The following DNAH1 variants were observed in gnomAD, a reference collection of about 807,000 sequenced individuals.
DNAH1 encodes axonemal beta dynein heavy chain 1.
DNAH1 carries 327 observed loss-of-function variants against 484.3 expected under a neutral mutation model. That is an observed-to-expected ratio of 0.68 (90% CI 0.62 to 0.74). DNAH1 has a LOEUF of 0.74. Among genes scored for constraint, DNAH1 ranks in the 30% least tolerant of loss-of-function variants. The pLI is 0.00. For synonymous variants in DNAH1, 2,192 were observed against 2,191.9 expected, an observed-to-expected ratio of 1.00 and a Z score of 0.00; for missense variants, 5,052 against 5,546.8, an observed-to-expected ratio of 0.91 and a Z score of 2.83.
chr3:52,330,047 C>T (rs532668361), intron 6 of DNAH1, among the ~76,000 whole-genome samples: 27 of 152,234 alleles, frequency 1.8e-4, no homozygotes, highest in African/African-American at 5.5e-4. Context: ...TGAGCTCAGG[C>T]AATCCGCCCA....
chr3:52,359,403 C>A lies in DNAH1; in HGVS notation c.4407+17C>A. The A allele has an allele frequency of 3.2e-6, 5 of 1,565,234 alleles. No individual in the cohort carries two copies. The highest frequency in any genetic ancestry group is 4.3e-6 in the Non-Finnish European group (5 of 1,154,874). ...TGCCAGCAGGTTGGAGTCAAGAGGA[C>A]CCCTGTCTGTCCCCCTCCACCCCCT... On this transcript the variant is annotated intron_variant, in intron 26 of 77. Coordinates refer to ENST00000420323, the MANE Select transcript of DNAH1 (RefSeq NM_015512.5).
chr3:52,367,966 G>C (rs1703156140), intron 36 of DNAH1, among the ~76,000 whole-genome samples: 1 of 152,242 alleles, frequency 6.6e-6, no homozygotes, highest in Non-Finnish European at 1.5e-5. Context: ...TAGTTAAGGG[G>C]AGAGACTGGG....
rs762191587 is a variant in DNAH1, at chr3:52,395,625, C to G, written c.11206C>G (p.Pro3736Ala). Residue 3736 changes from proline (P) to alanine (A), a missense_variant, in exon 70 of 78, where the codon CCA becomes GCA. By Grantham distance (27) the Pro-to-Ala change is conservative. Coordinates refer to ENST00000420323, the MANE Select transcript of DNAH1 (RefSeq NM_015512.5). The surrounding 1 kb of genome is among the most constrained non-coding windows in gnomAD (Gnocchi z 4.4). ...CTTCTTCCAGAACTGCCACCTGGCA[C>G]CAAGCTGGATGCCAGCCCTAGAACG... Reference protein sequence around the residue: ...WVFFQNCHLAPSWMPALERLI... With the variant: ...WVFFQNCHLAASWMPALERLI... The G allele has an allele frequency of 6.2e-7, 1 of 1,613,892 alleles. No homozygotes were observed. Among genetic ancestry groups the G allele is most frequent in the South Asian group, 1.1e-5 (1 of 91,088 alleles).
chr3:52,378,875 C>T, intron 47 of DNAH1, 95 bp downstream of exon 47: 1 of 1,487,390 alleles, frequency 6.7e-7, no homozygotes, highest in South Asian at 1.2e-5. Flanking sequence ...CAAACAGGCC[C>T]TGAGTGGGGC....
At chr3:52,370,272 C>T (rs1257122161) in intron 39 of DNAH1, 43 bp downstream of exon 39, 2 of 1,600,564 alleles carry the variant, frequency 1.2e-6, no homozygotes, top group Non-Finnish European at 8.5e-7. Flanking sequence ...GGTCCCTCTC[C>T]CCACACTGCT....
At chr3:52,328,372 C>T (rs1378630555) in intron 6 of DNAH1, among the ~76,000 whole-genome samples, 1 of 152,216 alleles carries the variant, frequency 6.6e-6, no homozygotes, top group Non-Finnish European at 1.5e-5. Context: ...CAGCTCTAAC[C>T]ATGGCCTCTC....
rs768884797 is a variant in DNAH1 at position 52,362,395 on chromosome 3, G to A, written c.4988G>A (p.Arg1663His). The A allele has an allele frequency of 1.4e-5, 23 of 1,613,584 alleles. No individual in the cohort carries two copies. The highest frequency in any genetic ancestry group is 2.2e-5 in the East Asian group (1 of 44,878). The part of the protein sequence containing the change: ...IQKAQQQRVE[R>H]FMFEGVEIPL... ...AGCCTCTCCCCACTGCAGGTGGAAC[G>A]CTTCATGTTTGAGGGTGTGGAGATC... The change falls in exon 31 of 78, where the codon CGC (arginine) becomes CAC (histidine). Residue 1663 changes from arginine (R) to histidine (H), a missense_variant. Arg to His is a conservative substitution (Grantham distance 29). Around this residue, in one of 4 missense-constraint regions of DNAH1, gnomAD observed 2,929 missense variants for 3,409.4 expected, o/e 0.86. Coordinates refer to ENST00000420323, the MANE Select transcript of DNAH1 (RefSeq NM_015512.5). The surrounding 1 kb of genome is among the most constrained non-coding windows in gnomAD (Gnocchi z 5.1).
At chr3:52,369,065 C>T in intron 37 of DNAH1, 147 bp downstream of exon 37, 1 of 901,126 alleles carries the variant, frequency 1.1e-6, no homozygotes. Flanking sequence ...AGCAAGAGCC[C>T]TCCTGCTAGC....
At chr3:52,374,525 G>A (rs985774319) in intron 44 of DNAH1, 11 of 1,489,940 alleles carry the variant, frequency 7.4e-6, no homozygotes, top group Non-Finnish European at 1.0e-5. Context: ...AATTTGTGAA[G>A]ACCATGGAGC....
At chr3:52,384,760 C>G in intron 52 of DNAH1, 26 bp from the exon 53 acceptor site, 1 of 1,564,120 alleles carries the variant, frequency 6.4e-7, no homozygotes, top group Non-Finnish European at 8.7e-7. Context: ...TCTACCAGGC[C>G]GGCATCCATG....
At chr3:52,316,711 T>G (rs1190033912) in intron 1 of DNAH1, among the ~76,000 whole-genome samples, 166 bp downstream of exon 1, 1 of 152,180 alleles carries the variant, frequency 6.6e-6, no homozygotes, top group African/African-American at 2.4e-5. Flanking sequence ...ATACACTTTA[T>G]GGTGGGGATA....
In DNAH1 at chr3:52,382,412, G is replaced by T. The variant is rs1223022705; in HGVS notation, c.7898G>T (p.Gly2633Val). The T allele has an allele frequency of 6.2e-7, 1 of 1,613,882 alleles. No individual in the cohort carries two copies. The highest frequency in any genetic ancestry group is 1.3e-5 in the African/African-American group (1 of 74,932). ...GTGAAGAAGGTCCTGCTCAAGGCGG[G>T]CCTACAGAACCTACCCATCACCTTC... is the stretch of plus-strand genomic sequence containing the variant. ...DDVKKVLLKA[G>V]LQNLPITFLF... is the part of the protein sequence containing the mutation. Residue 2633 changes from glycine to valine, a missense_variant, in exon 50 of 78, where the codon GGC (glycine) becomes GTC (valine). By Grantham distance (109) the Gly-to-Val change is moderately radical. Transcript: ENST00000420323.
chr3:52,367,036 G>C (rs1052161436), intron 36 of DNAH1, 149 bp downstream of exon 36: 2 of 974,682 alleles, frequency 2.1e-6, no homozygotes, highest in South Asian at 3.6e-5. Flanking sequence ...CTACTTCCTC[G>C]CTGAGTGACC....
rs556086433 is a variant in DNAH1 at position 52,388,892 on chromosome 3, T to C, written c.9450T>C (p.Asp3150=). 35 of 1,612,890 alleles carry C rather than the reference T, an allele frequency of 2.2e-5. No homozygotes were observed. In the East Asian group the frequency reaches 6.9e-4, roughly 32 times the overall value. The change falls in exon 59 of 78, where the codon GAT becomes GAC. Residue 3150 remains aspartate (D), a synonymous_variant. Coordinates refer to ENST00000420323, the MANE Select transcript of DNAH1 (RefSeq NM_015512.5). ...LQYMLNNISG[D]VLVAAGFVAY... ...ACATGCTCAACAACATCTCCGGCGA[T>C]GTCCTGGTGGCCGCTGGCTTTGTGG...
chr3:52,348,228 A>T (rs1185594114), intron 12 of DNAH1, among the ~76,000 whole-genome samples: 1 of 152,176 alleles, frequency 6.6e-6, no homozygotes. Context: ...TGCTAATGTC[A>T]GATTTTGTAG....
chr3:52,393,661 C>T (rs1451639651), intron 66 of DNAH1, among the ~76,000 whole-genome samples, 176 bp downstream of exon 66: 2 of 152,164 alleles, frequency 1.3e-5, no homozygotes, highest in Non-Finnish European at 2.9e-5. Context: ...CTCATGCCTG[C>T]AATCCCAGCA....
Position 52,382,537 on chromosome 3 carries a change from G to A in DNAH1, c.7941+82G>A. ...AGCATAGCATCCCGGAAGGTGGCCA[G>A]TCCTTCATGCCCAGCTCACAGTCAG... is the stretch of plus-strand genomic sequence containing the variant. On this transcript the variant is annotated intron_variant, in intron 50 of 77. Coordinates refer to ENST00000420323, the MANE Select transcript of DNAH1 (RefSeq NM_015512.5). 1.9e-6 allele frequency: 3 copies of A among 1,570,042 alleles called. No individual in the cohort carries two copies. In the South Asian group the frequency reaches 3.5e-5, roughly 18 times the overall value.
chr3:52,325,119 G>A (rs1267124626), intron 3 of DNAH1, among the ~76,000 whole-genome samples: 3 of 152,166 alleles, frequency 2.0e-5, no homozygotes, highest in Non-Finnish European at 4.4e-5. Flanking sequence ...CATTTTTGAT[G>A]CAAAGAGGGA....
chr3:52,357,597 T>C lies in DNAH1; in HGVS notation c.3859-17T>C. 1.3e-6 allele frequency: 2 copies of C among 1,594,474 alleles called. No homozygotes were observed. Among genetic ancestry groups the C allele is most frequent in the Non-Finnish European group, 1.7e-6 (2 of 1,169,806 alleles). ...CATGCTCACTGCCCATTTCTGTGCA[T>C]GGCCCGGGCCCTGCAGGTGATCAAT... On this transcript the variant is annotated splice_polypyrimidine_tract_variant and intron_variant, in intron 22 of 77. Coordinates refer to ENST00000420323, the MANE Select transcript of DNAH1 (RefSeq NM_015512.5).
Sources: allele counts gnomAD v4.1 joint callset (sites outside exome capture counted in the v4.1 genomes callset), GRCh38; gene constraint gnomAD v4.1.1; regional missense constraint gnomAD v4.1.1; non-coding constraint Gnocchi (gnomAD v3.1); transcripts MANE v1.5; gene names NCBI Gene and HGNC (gene_info 2026-07-23, HGNC 2026-07-21).